TMEM135: variants seen among roughly 807,000 people sequenced by gnomAD.
TMEM135 encodes the protein peroxisomal membrane protein 52.
TMEM135 carries 30 observed loss-of-function variants against 60.3 expected under a neutral mutation model. The observed-to-expected ratio is 0.50, with a 90% confidence interval of 0.37 to 0.68. TMEM135 has a LOEUF of 0.68. Among genes scored for constraint, TMEM135 ranks in the 30% least tolerant of loss-of-function variants. The pLI is 0.00. For synonymous variants in TMEM135, 190 were observed against 186.7 expected, an observed-to-expected ratio of 1.02 and a Z score of -0.14; for missense variants, 468 against 548.8, an observed-to-expected ratio of 0.85 and a Z score of 1.47.
chr11:87,077,097 C>G (rs1334733938), intron 3 of TMEM135, among the ~76,000 whole-genome samples: 3 of 152,232 alleles, frequency 2.0e-5, no homozygotes, highest in African/African-American at 7.2e-5. Context: ...TGTTTCAACA[C>G]TACCAAGGAT....
intron 5 of TMEM135, among the ~76,000 whole-genome samples, chr11:87,229,677 C>T (rs1940846204): frequency 6.6e-6 from 1 of 152,122 alleles, no homozygotes; most frequent in African/African-American, 2.4e-5. Context: ...CACTCTGATT[C>T]ATAGGAGACT....
intron 5 of TMEM135, among the ~76,000 whole-genome samples, chr11:87,223,385 T>C (rs1446755274): frequency 6.6e-6 from 1 of 151,942 alleles, no homozygotes; most frequent in Non-Finnish European, 1.5e-5. Flanking sequence ...TTAGCCAGGA[T>C]GGTCTCCATC....
intron 5 of TMEM135, among the ~76,000 whole-genome samples, chr11:87,173,781 T>C (rs999035825): frequency 6.6e-6 from 1 of 152,178 alleles, no homozygotes; most frequent in Non-Finnish European, 1.5e-5. Context: ...GATATTTTGA[T>C]CCACAGCTAT....
intron 5 of TMEM135, among the ~76,000 whole-genome samples, chr11:87,160,490 G>A (rs1445262392): frequency 6.6e-6 from 1 of 152,120 alleles, no homozygotes; most frequent in Non-Finnish European, 1.5e-5. Context: ...CAAATAGCTA[G>A]GAAATTGGAG....
chr11:87,270,845 T>C (rs2135410560), intron 6 of TMEM135, among the ~76,000 whole-genome samples: 1 of 152,314 alleles, frequency 6.6e-6, no homozygotes, highest in Middle Eastern at 3.4e-3. Flanking sequence ...ATTATTAAAG[T>C]TGAGTTTTAC....
At chr11:87,079,263 C>T (rs554062833) in intron 3 of TMEM135, among the ~76,000 whole-genome samples, 6 of 152,306 alleles carry the variant, frequency 3.9e-5, no homozygotes, top group South Asian at 2.1e-4. Context: ...GCCTCGGCCC[C>T]GCAAAGTGCT....
intron 6 of TMEM135, among the ~76,000 whole-genome samples, chr11:87,290,648 T>A (rs577017122): frequency 6.6e-6 from 1 of 152,218 alleles, no homozygotes; most frequent in Admixed American, 6.5e-5. Flanking sequence ...AATGATAACA[T>A]TGAGCTTCTT....
At chr11:87,293,492 C>T (rs144337570) in intron 6 of TMEM135, among the ~76,000 whole-genome samples, 2 of 152,106 alleles carry the variant, frequency 1.3e-5, no homozygotes, top group African/African-American at 4.8e-5. Flanking sequence ...TCGAGCAGTC[C>T]TCCAACTTCC....
At chr11:87,176,256 C>G (rs1200738964) in intron 5 of TMEM135, among the ~76,000 whole-genome samples, 1 of 151,974 alleles carries the variant, frequency 6.6e-6, no homozygotes, top group Non-Finnish European at 1.5e-5. Flanking sequence ...TTAGAAAGAG[C>G]CTGGCACCTC....
At chr11:87,192,787 A>G (rs1444992982) in intron 5 of TMEM135, among the ~76,000 whole-genome samples, 1 of 152,180 alleles carries the variant, frequency 6.6e-6, no homozygotes, top group Non-Finnish European at 1.5e-5. Context: ...ATGTGATTGT[A>G]TGTGTGGGTG....
chr11:87,258,771 T>A lies in TMEM135; in HGVS notation c.509+22087T>A, dbSNP rs909861523. 9 of 479,156 alleles carry A rather than the reference T, an allele frequency of 1.9e-5. 1 individual carries two copies. Among genetic ancestry groups the A allele is most frequent in the South Asian group, 2.1e-5 (1 of 48,304 alleles). The allele number at this position is 479,156 out of a possible 1,614,324, so 29.7% of individuals were successfully genotyped here. A position where few individuals can be genotyped will look rare whatever the true frequency, so the allele number is the denominator to read the frequency against. On this transcript the variant is annotated intron_variant, in intron 6 of 14. Transcript: ENST00000305494. ...TCAATGTGCCAAAGTTAAAAAAAAATCCAAATAATCAGCAGTTCAAACACA... is the reference window on the plus strand; with the variant it reads ...TCAATGTGCCAAAGTTAAAAAAAAAACCAAATAATCAGCAGTTCAAACACA...
intron 4 of TMEM135, among the ~76,000 whole-genome samples, chr11:87,147,550 G>T (rs1306166920): frequency 3.3e-5 from 5 of 151,988 alleles, no homozygotes; most frequent in Admixed American, 3.3e-4. Context: ...GTGCATAGCA[G>T]AACATAGAAA....
intron 3 of TMEM135, among the ~76,000 whole-genome samples, chr11:87,077,796 G>A (rs1856905235): frequency 6.6e-6 from 1 of 152,108 alleles, no homozygotes; most frequent in African/African-American, 2.4e-5. Context: ...ACTAATTTCT[G>A]TCTCTAAAGA....
At chr11:87,088,480 T>G (rs1857141780) in intron 3 of TMEM135, among the ~76,000 whole-genome samples, 1 of 152,086 alleles carries the variant, frequency 6.6e-6, no homozygotes, top group Admixed American at 6.5e-5. Flanking sequence ...TTCATAGGAG[T>G]ATACCTTACT....
intron 4 of TMEM135, among the ~76,000 whole-genome samples, chr11:87,099,432 CTATAA>C (rs980299372): frequency 3.9e-5 from 6 of 152,142 alleles, no homozygotes; most frequent in South Asian, 2.1e-4. Context: ...TATCGCAAAA[CTATAA>C]TATAATATAA....
chr11:87,192,468 A>C (rs1253538710), intron 5 of TMEM135, among the ~76,000 whole-genome samples: 2 of 152,182 alleles, frequency 1.3e-5, no homozygotes, highest in East Asian at 3.8e-4. Context: ...AAAGGCAAAC[A>C]TCAGAAGTTT....
intron 5 of TMEM135, among the ~76,000 whole-genome samples, chr11:87,195,514 C>T (rs1939934702): frequency 6.6e-6 from 1 of 152,082 alleles, no homozygotes; most frequent in Non-Finnish European, 1.5e-5. Context: ...GCAATCTCCA[C>T]CTCCCGGGTT....
chr11:87,322,094 C>T lies in TMEM135; in HGVS notation c.*761C>T, dbSNP rs1311881015. ...AGTTGAAATGTATGTTTTAATCTTT[C>T]ACAGAAGTATTACACTTGAATATTT... On this transcript the variant is annotated 3_prime_UTR_variant, in exon 15 of 15. Transcript: ENST00000305494. 2.2e-6 allele frequency: 1 copy of T among 454,056 alleles called. No homozygotes were observed. The highest frequency in any genetic ancestry group is 4.4e-6 in the Non-Finnish European group (1 of 226,580). The allele number at this position is 454,056 out of a possible 1,614,324, so 28.1% of individuals were successfully genotyped here.
chr11:87,157,142 A>G (rs1455434874), intron 4 of TMEM135, among the ~76,000 whole-genome samples, 199 bp from the exon 5 acceptor site: 1 of 149,040 alleles, frequency 6.7e-6, no homozygotes, highest in Non-Finnish European at 1.5e-5. Flanking sequence ...AGCTCACTGT[A>G]GCCTTGAACT....
Sources: allele counts gnomAD v4.1 joint callset (sites outside exome capture counted in the v4.1 genomes callset), GRCh38; gene constraint gnomAD v4.1.1; transcripts MANE v1.5; gene names NCBI Gene and HGNC (gene_info 2026-07-23, HGNC 2026-07-21).